Variants in NRXN1 observed in about 807,000 individuals in gnomAD.
NRXN1 encodes neurexin-1.
A neutral mutation model predicts 150.9 loss-of-function variants in NRXN1; 39 were observed. That is an observed-to-expected ratio of 0.26 (90% CI 0.20 to 0.34). The LOEUF is 0.34. Ranked by LOEUF, NRXN1 falls within the 10% of genes least tolerant of loss-of-function variation. The probability of loss-of-function intolerance (pLI) is 1.00; values close to 1 mark genes in which losing one functional copy is unlikely to be tolerated. For missense variants in NRXN1, 1,815 were observed against 1,949.9 expected (o/e 0.93, Z 1.30); for synonymous variants, 924 against 757.0 (o/e 1.22, Z -3.62).
chr2:50,866,052 C>T (rs527899121), intron 5 of NRXN1, among the ~76,000 whole-genome samples: 1 of 151,866 alleles, frequency 6.6e-6, no homozygotes, highest in Non-Finnish European at 1.5e-5. Context: ...TACCTCCCAC[C>T]ATTTGGCCAA....
intron 18 of NRXN1, among the ~76,000 whole-genome samples, chr2:50,220,002 TATATAATATA>T (rs2063756791): frequency 2.8e-5 from 1 of 35,612 alleles, no homozygotes. Flanking sequence ...TAATATATAT[TATATAATATA>T]TTATATATAT....
intron 21 of NRXN1, among the ~76,000 whole-genome samples, chr2:50,021,434 C>G (rs1247096320): frequency 6.6e-6 from 1 of 152,154 alleles, no homozygotes; most frequent in Non-Finnish European, 1.5e-5. Context: ...TAAGCAAAGA[C>G]AGTAAGCATA....
At chr2:50,782,222 A>G (rs747138173) in intron 5 of NRXN1, among the ~76,000 whole-genome samples, 5 of 152,098 alleles carry the variant, frequency 3.3e-5, no homozygotes, top group Admixed American at 6.6e-5. Context: ...AGGATGATAC[A>G]CTTTGGGAGG....
chr2:50,690,220 C>T (rs1559128443), intron 5 of NRXN1, among the ~76,000 whole-genome samples: 1 of 152,074 alleles, frequency 6.6e-6, no homozygotes, highest in Non-Finnish European at 1.5e-5. Flanking sequence ...AATTCAAACC[C>T]AACTTTCCAA....
chr2:50,820,627 G>C (rs4140858), intron 5 of NRXN1, among the ~76,000 whole-genome samples: 2 of 151,936 alleles, frequency 1.3e-5, no homozygotes, highest in Non-Finnish European at 2.9e-5. Flanking sequence ...TTTCATCCTC[G>C]CTCTACCCTC....
chr2:50,254,330 T>A (rs949688802), intron 17 of NRXN1, among the ~76,000 whole-genome samples: 5 of 151,484 alleles, frequency 3.3e-5, no homozygotes, highest in African/African-American at 7.3e-5. Context: ...TAGCTATCAG[T>A]CTATCTGTCT....
intron 17 of NRXN1, among the ~76,000 whole-genome samples, chr2:50,302,430 A>G (rs1305748232): frequency 6.6e-6 from 1 of 152,344 alleles, no homozygotes; most frequent in African/African-American, 2.4e-5. Flanking sequence ...TTCAAGATAC[A>G]TTTTGTCAAT....
intron 18 of NRXN1, among the ~76,000 whole-genome samples, chr2:50,214,911 T>G (rs1015731491): frequency 3.3e-5 from 5 of 151,988 alleles, no homozygotes; most frequent in African/African-American, 1.2e-4. Context: ...CTTTATAAAC[T>G]GATGCAGGGT....
At chr2:50,975,798 C>G (rs1265766581) in intron 2 of NRXN1, among the ~76,000 whole-genome samples, 1 of 151,956 alleles carries the variant, frequency 6.6e-6, no homozygotes, top group African/African-American at 2.4e-5. Flanking sequence ...ATCAAACTAC[C>G]CCATACCTTT....
At chr2:50,591,118 C>G (rs150104073) in intron 8 of NRXN1, among the ~76,000 whole-genome samples, 4 of 152,148 alleles carry the variant, frequency 2.6e-5, no homozygotes, top group Middle Eastern at 3.4e-3. Context: ...AACTAACAAA[C>G]CAGTGGGGAG....
At chr2:50,754,150 T>A (rs546957475) in intron 5 of NRXN1, among the ~76,000 whole-genome samples, 1 of 151,952 alleles carries the variant, frequency 6.6e-6, no homozygotes, top group South Asian at 2.1e-4. Flanking sequence ...AGCAGCCTCT[T>A]CATTTTAAAA....
intron 13 of NRXN1, among the ~76,000 whole-genome samples, chr2:50,502,625 G>GTCAGATGAGAATACT: frequency 6.6e-6 from 1 of 152,218 alleles, no homozygotes; most frequent in African/African-American, 2.4e-5. Flanking sequence ...GACATTACTG[G>GTCAGATGAGAATACT]GAGCCAGGAT....
At chr2:50,960,504 C>A (rs1293553703) in intron 2 of NRXN1, among the ~76,000 whole-genome samples, 1 of 151,940 alleles carries the variant, frequency 6.6e-6, no homozygotes, top group Admixed American at 6.6e-5. Context: ...AAAATAAGCA[C>A]TGTGGTAAAC....
chr2:50,656,199 C>G lies in NRXN1; in HGVS notation c.833-32584G>C, dbSNP rs1186456882. 1.3e-5 allele frequency among the ~76,000 whole-genome samples: 2 copies of G among 151,968 alleles called. 1 individual carries two copies. The highest frequency in any genetic ancestry group is 2.9e-5 in the Non-Finnish European group (2 of 67,952). ...CATACACCACTTCACCCCCTGCCCC[C>G]AAACACACAAAAGCAAAGTGATCTT... On this transcript the variant is annotated intron_variant, in intron 5 of 22. Transcript: ENST00000401669.
At chr2:50,420,962 CTGTGTGTGTGTGTGTGTGTGTGTGTGTG>C (rs4032055) in intron 17 of NRXN1, among the ~76,000 whole-genome samples, 387 of 120,026 alleles carry the variant, frequency 3.2e-3, no homozygotes, top group African/African-American at 0.011. Context: ...CAAAATAGAC[CTGTGTGTGTGTGTGTGTGTGTGTGTGTG>C]TGTGTGTGTG....
intron 5 of NRXN1, among the ~76,000 whole-genome samples, chr2:50,793,487 C>A (rs374349911): frequency 4.3e-4 from 65 of 152,140 alleles, no homozygotes; most frequent in African/African-American, 1.5e-3. Context: ...AATCAAGAAC[C>A]ATTACTCTAA....
At chr2:50,509,067 AT>A (rs1313584828) in intron 12 of NRXN1, among the ~76,000 whole-genome samples, 1 of 152,118 alleles carries the variant, frequency 6.6e-6, no homozygotes, top group African/African-American at 2.4e-5. Flanking sequence ...TCACCTTTAC[AT>A]TATTAATCTG....
chr2:50,877,575 T>C (rs896094964), intron 5 of NRXN1, among the ~76,000 whole-genome samples: 5 of 151,990 alleles, frequency 3.3e-5, no homozygotes, highest in African/African-American at 1.2e-4. Flanking sequence ...AGTTATATAC[T>C]TTAATTGTTC....
chr2:50,619,968 T>C, intron 8 of NRXN1, 54 bp downstream of exon 8: 2 of 1,444,196 alleles, frequency 1.4e-6, no homozygotes, highest in Non-Finnish European at 9.2e-7. Flanking sequence ...TCATGCTGGA[T>C]CTGAAATGAT....
Sources: gnomAD v4.1 joint callset for allele counts (sites outside exome capture counted in the v4.1 genomes callset) on GRCh38, gnomAD v4.1.1 for gene constraint, MANE v1.5 for transcripts, NCBI Gene and HGNC (gene_info 2026-07-23, HGNC 2026-07-21) for gene names.